BBS9: variants seen among roughly 807,000 people sequenced by gnomAD.
BBS9 encodes protein PTHB1.
In BBS9, 89 loss-of-function variants were observed where a neutral mutation model predicts 117.7. The ratio of observed to expected loss-of-function variants is 0.76; its 90% CI spans 0.64 to 0.90. The LOEUF (loss-of-function observed/expected upper bound fraction) is 0.90. BBS9 is among the 40% of genes least tolerant of loss of function. The pLI is 0.00. For missense variants in BBS9, 982 were observed against 1,042.2 expected, an observed-to-expected ratio of 0.94 and a Z score of 0.80; for synonymous variants, 379 against 370.9, an observed-to-expected ratio of 1.02 and a Z score of -0.25.
chr7:33,280,706 G>GT (rs112376881), intron 9 of BBS9, among the ~76,000 whole-genome samples: 21,847 of 151,972 alleles, frequency 0.14, 1,815 homozygotes, highest in Non-Finnish European at 0.18. Flanking sequence ...AAGTCATTGT[G>GT]GTTTTTATGT....
In BBS9 at chr7:33,196,063, A is replaced by G. The variant is rs937375509; in HGVS notation, c.442+18472A>G. Among the ~76,000 whole-genome samples, 87 of 152,302 alleles carry G rather than the reference A, an allele frequency of 5.7e-4. 1 individual carries two copies. Among genetic ancestry groups the G allele is most frequent in the African/African-American group, 1.8e-3 (75 of 41,570 alleles). ...TTTTTTAAATCATAAAATGACTTCTATAAGCTTGTATGGGATTATATTGTC... is the reference window on the plus strand; with the variant it reads ...TTTTTTAAATCATAAAATGACTTCTGTAAGCTTGTATGGGATTATATTGTC... On this transcript the variant is annotated intron_variant, in intron 5 of 22. Coordinates refer to ENST00000242067, the MANE Select transcript of BBS9 (RefSeq NM_198428.3).
chr7:33,582,316 C>G lies in BBS9; in HGVS notation c.2522-22549C>G, dbSNP rs150818153. ...AGGTGGGGCACAGTGTGAGGAGGCT[C>G]GGAAATGTAATGTGAGCAGACCCAT... On this transcript the variant is annotated intron_variant, in intron 21 of 22. Transcript: ENST00000242067. Among the ~76,000 whole-genome samples the G allele has an allele frequency of 4.7e-4, 71 of 151,936 alleles. No homozygotes were observed. In the East Asian group the frequency reaches 0.012, roughly 26 times the overall value.
At chr7:33,157,888 T>A (rs1472266888) in intron 4 of BBS9, 1 of 152,202 alleles carries the variant, frequency 6.6e-6, no homozygotes, top group Admixed American at 6.5e-5. Flanking sequence ...TGACCTGAAG[T>A]TGGCCTATCT....
Position 33,385,153 on chromosome 7 carries a change from A to G in BBS9, c.1962+1315A>G, listed in dbSNP as rs146609914. Among the ~76,000 whole-genome samples, 6 of 152,300 alleles carry G rather than the reference A, an allele frequency of 3.9e-5. No homozygotes were observed. The East Asian group carries it at 9.6e-4, about 24-fold the overall frequency. ...TTTGAAATAGAGAATACTAGATACT[A>G]TTGACTAATAAGTTTGACATATAAT... On this transcript the variant is annotated intron_variant, in intron 18 of 22. Transcript: ENST00000242067.
chr7:33,249,959 T>G (rs904369245), intron 5 of BBS9, among the ~76,000 whole-genome samples: 1 of 152,238 alleles, frequency 6.6e-6, no homozygotes, highest in South Asian at 2.1e-4. Flanking sequence ...GGGTGCATCG[T>G]ATCTGTCATG....
At chr7:33,239,783 G>A (rs7809866) in intron 5 of BBS9, among the ~76,000 whole-genome samples, 2,004 of 152,086 alleles carry the variant, frequency 0.013, 47 homozygotes, top group African/African-American at 0.046. Context: ...TCTGAGGCAG[G>A]TGGATTGCTT....
intron 19 of BBS9, among the ~76,000 whole-genome samples, chr7:33,481,728 G>A (rs1842533908): frequency 6.6e-6 from 1 of 152,142 alleles, no homozygotes; most frequent in Non-Finnish European, 1.5e-5. Context: ...TTTAGCTGAA[G>A]TCTGTTTCTG....
At chr7:33,324,300 C>T (rs1021856561) in intron 9 of BBS9, among the ~76,000 whole-genome samples, 1 of 152,174 alleles carries the variant, frequency 6.6e-6, no homozygotes, top group African/African-American at 2.4e-5. Context: ...GAACACTTAA[C>T]ACTGATTTCA....
chr7:33,516,719 C>G (rs1359271847), intron 20 of BBS9, among the ~76,000 whole-genome samples: 2 of 152,042 alleles, frequency 1.3e-5, no homozygotes, highest in Non-Finnish European at 2.9e-5. Context: ...CCAGTTGTTG[C>G]TTTTTGAAGA....
At chr7:33,633,522 T>TC (rs1409811442) in intron 21 of BBS9, among the ~76,000 whole-genome samples, 3 of 150,644 alleles carry the variant, frequency 2.0e-5, no homozygotes, top group African/African-American at 7.3e-5. Context: ...TTTTTTTTTT[T>TC]TTTTTTTTGA....
rs764873070 is a variant in BBS9, at chr7:33,349,102, C to T, written c.1364C>T (p.Ala455Val). Reference protein sequence around the residue: ...TLQNRVILQKAKLSVYVQPPL... With the variant: ...TLQNRVILQKVKLSVYVQPPL... ...CAGAACAGAGTGATATTGCAAAAAG[C>T]CAAATTATCAGTCTACGTGCAACCA... The change falls in exon 13 of 23, where the codon GCC becomes GTC. Residue 455 changes from alanine to valine, a missense_variant. By Grantham distance (64) the Ala-to-Val change is moderately conservative (BLOSUM62 0). Coordinates refer to ENST00000242067, the MANE Select transcript of BBS9 (RefSeq NM_198428.3). 1 of 1,612,954 alleles carries T rather than the reference C, an allele frequency of 6.2e-7. No individual in the cohort carries two copies. The highest frequency in any genetic ancestry group is 8.5e-7 in the Non-Finnish European group (1 of 1,179,214).
chr7:33,526,821 C>A (rs568883459), intron 20 of BBS9, among the ~76,000 whole-genome samples: 57 of 150,268 alleles, frequency 3.8e-4, no homozygotes, highest in African/African-American at 1.2e-3. Flanking sequence ...GAGGAGAGGC[C>A]CTCTGCTTTT....
At chr7:33,282,381 A>AT (rs960633265) in intron 9 of BBS9, among the ~76,000 whole-genome samples, 2 of 151,310 alleles carry the variant, frequency 1.3e-5, no homozygotes, top group Non-Finnish European at 3.0e-5. Flanking sequence ...TTTATTTTTA[A>AT]TTTTTTTTTA....
chr7:33,484,492 G>A (rs2128981386), intron 19 of BBS9, among the ~76,000 whole-genome samples: 1 of 151,954 alleles, frequency 6.6e-6, no homozygotes, highest in African/African-American at 2.4e-5. Flanking sequence ...TTTTTTGTTG[G>A]TTGGTTTTTC....
chr7:33,292,182 T>C (rs1261174800), intron 9 of BBS9, among the ~76,000 whole-genome samples: 1 of 152,120 alleles, frequency 6.6e-6, no homozygotes, highest in Non-Finnish European at 1.5e-5. Context: ...CTGAATACCT[T>C]GCCTGTGGAA....
intron 20 of BBS9, among the ~76,000 whole-genome samples, chr7:33,510,545 A>G (rs374219434): frequency 4.6e-5 from 7 of 152,110 alleles, no homozygotes; most frequent in Admixed American, 2.6e-4. Context: ...TGTCTTAGGC[A>G]GTGTTCTAGG....
intron 20 of BBS9, among the ~76,000 whole-genome samples, chr7:33,532,683 G>A (rs1850769559): frequency 1.3e-5 from 2 of 152,084 alleles, no homozygotes; most frequent in Non-Finnish European, 2.9e-5. Flanking sequence ...ATGAGATGTC[G>A]GTGGGGACAC....
intron 9 of BBS9, among the ~76,000 whole-genome samples, chr7:33,307,513 C>T (rs1364808171): frequency 3.3e-5 from 5 of 151,056 alleles, no homozygotes; most frequent in African/African-American, 1.2e-4. Context: ...TGTAAACACT[C>T]ATCCCTTAGT....
intron 17 of BBS9, among the ~76,000 whole-genome samples, chr7:33,371,346 A>G (rs544353024): frequency 6.6e-6 from 1 of 152,284 alleles, no homozygotes; most frequent in South Asian, 2.1e-4. Flanking sequence ...GCCTGATCCA[A>G]GGATAAATTT....
Sources: gnomAD v4.1 joint callset for allele counts (sites outside exome capture counted in the v4.1 genomes callset) on GRCh38, gnomAD v4.1.1 for gene constraint, MANE v1.5 for transcripts, NCBI Gene and HGNC (gene_info 2026-07-23, HGNC 2026-07-21) for gene names.